Variants in PLXNB2 observed in about 807,000 individuals in gnomAD.
PLXNB2 encodes the protein plexin B2, also known as plexin-B2.
A neutral mutation model predicts 202.6 loss-of-function variants in PLXNB2; 85 were observed. The observed-to-expected ratio is 0.42, with a 90% CI of 0.35 to 0.50. PLXNB2 has a LOEUF of 0.50. Among genes scored for constraint, PLXNB2 ranks in the 20% least tolerant of loss-of-function variants. PLXNB2 has a pLI of 0.02. For missense variants in PLXNB2, 2,063 were observed against 2,586.2 expected (o/e 0.80, Z 4.39); for synonymous variants, 1,239 against 1,137.6 (o/e 1.09, Z -1.79).
chr22:50,293,816 G>A (rs1056478210), intron 2 of PLXNB2, among the ~76,000 whole-genome samples: 1 of 152,188 alleles, frequency 6.6e-6, no homozygotes, highest in Non-Finnish European at 1.5e-5. Context: ...GGGCTGTAGG[G>A]GCCCCGGTAC....
Position 50,286,155 on chromosome 22 carries a change from T to C in PLXNB2, c.1877+18A>G, listed in dbSNP as rs1332365756. 5 of 1,610,946 alleles carry C rather than the reference T, an allele frequency of 3.1e-6. No homozygotes were observed. The highest frequency in any genetic ancestry group is 4.2e-6 in the Non-Finnish European group (5 of 1,177,942). Reference sequence around the variant, plus strand: ...GGGTGGACGGGCAGGGTGGGGTCGATGGGCACAAGACACTCACGGCAGGTT... The same window carrying C: ...GGGTGGACGGGCAGGGTGGGGTCGACGGGCACAAGACACTCACGGCAGGTT... On this transcript the variant is annotated intron_variant, in intron 9 of 36. Coordinates refer to ENST00000359337, the MANE Select transcript of PLXNB2 (RefSeq NM_012401.4).
chr22:50,284,892 C>A lies in PLXNB2; in HGVS notation c.2089-227G>T. 1 of 659,364 alleles carries A rather than the reference C, an allele frequency of 1.5e-6. No individual in the cohort carries two copies. Among genetic ancestry groups the A allele is most frequent in the Non-Finnish European group, 2.9e-6 (1 of 347,720 alleles). 40.8% of individuals were successfully genotyped at this position (659,364 alleles called of 1,614,324 possible). ...ACGTCCTCTGTGGGTTTCCCACGGC[C>A]ACCTCCACCACTCATCCACACCTGA... On this transcript the variant is annotated intron_variant, in intron 11 of 36. Coordinates refer to ENST00000359337, the MANE Select transcript of PLXNB2 (RefSeq NM_012401.4). The surrounding 1 kb of genome is among the most constrained non-coding windows in gnomAD (Gnocchi z 8.0).
Position 50,289,631 on chromosome 22 carries a change from C to T in PLXNB2, c.954G>A (p.Lys318=). The T allele has an allele frequency of 6.2e-7, 1 of 1,610,082 alleles. No individual in the cohort carries two copies. The highest frequency in any genetic ancestry group is 8.5e-7 in the Non-Finnish European group (1 of 1,179,812). Residue 318 remains lysine, a synonymous_variant, in exon 3 of 37, where the codon AAG becomes AAA. Coordinates refer to ENST00000359337, the MANE Select transcript of PLXNB2 (RefSeq NM_012401.4). The surrounding 1 kb of genome is among the most constrained non-coding windows in gnomAD (Gnocchi z 8.0). ...GAGLCLFPLD[K]VHAKMEANRN... ...GGTTGGCCTCCATCTTGGCGTGCAC[C>T]TTGTCCAGCGGGAACAGGCAGAGGC... is the stretch of plus-strand genomic sequence containing the variant.
intron 1 of PLXNB2, among the ~76,000 whole-genome samples, chr22:50,299,782 C>T (rs2067554431): frequency 1.3e-5 from 2 of 152,246 alleles, no homozygotes; most frequent in African/African-American, 4.8e-5. Flanking sequence ...GAGTTCAGCC[C>T]GGGAGGCGGG....
chr22:50,282,580 G>T, intron 18 of PLXNB2, 131 bp downstream of exon 18: 2 of 690,238 alleles, frequency 2.9e-6, no homozygotes, highest in Non-Finnish European at 4.6e-6. Context: ...GAGTGCAGTG[G>T]GGTTTTCCGG....
chr22:50,300,218 TGAC>T (rs2067594695), intron 1 of PLXNB2: 2 of 961,734 alleles, frequency 2.1e-6, no homozygotes, highest in Admixed American at 6.2e-5. Flanking sequence ...CGAGTAACAA[TGAC>T]GGCGGCGGCG....
Position 50,282,879 on chromosome 22 carries a change from G to A in PLXNB2, c.2819C>T (p.Thr940Met), listed in dbSNP as rs755337831. The change falls in exon 18 of 37, where the codon ACG (threonine) becomes ATG (methionine). Residue 940 changes from threonine to methionine, a missense_variant and splice_region_variant. By Grantham distance (81) the Thr-to-Met change is moderately conservative (BLOSUM62 -1). Coordinates refer to ENST00000359337, the MANE Select transcript of PLXNB2 (RefSeq NM_012401.4). ...VTLNGVPCKV[T>M]KFGAQLQCVT... ...ACACTGGAGCTGCGCCCCAAACTTC[G>A]TCCTGGGGGAGGGAGGGTGCTGGTC... 8 of 1,607,702 alleles carry A rather than the reference G, an allele frequency of 5.0e-6. No homozygotes were observed. The highest frequency in any genetic ancestry group is 1.1e-5 in the South Asian group (1 of 90,744).
Position 50,280,625 on chromosome 22 carries a change from T to C in PLXNB2, c.4039A>G (p.Lys1347Glu). 1 of 1,612,692 alleles carries C rather than the reference T, an allele frequency of 6.2e-7. No homozygotes were observed. The highest frequency in any genetic ancestry group is 8.5e-7 in the Non-Finnish European group (1 of 1,179,886). The change falls in exon 25 of 37, where the codon AAG becomes GAG. Residue 1347 changes from lysine to glutamate, a missense_variant. Coordinates refer to ENST00000359337, the MANE Select transcript of PLXNB2 (RefSeq NM_012401.4). ...GTCAGCAGGGACGCGAAGTAGACCT[T>C]GGCGCGGGCCGAGAACTCCCGCTGG... Reference protein sequence around the residue: ...ENQREFSARAKVYFASLLTVA... With the variant: ...ENQREFSARAEVYFASLLTVA...
rs2066161416 is a variant in PLXNB2 at position 50,283,357 on chromosome 22, T to A, written c.2659A>T (p.Asn887Tyr). Residue 887 changes from asparagine (N) to tyrosine (Y), a missense_variant, in exon 16 of 37, where the codon AAT becomes TAT. By Grantham distance (143) the Asn-to-Tyr change is moderately radical (BLOSUM62 -2). Around this residue, in one of 2 missense-constraint regions of PLXNB2, gnomAD observed 1,303 missense variants for 1,476.8 expected, o/e 0.88. Coordinates refer to ENST00000359337, the MANE Select transcript of PLXNB2 (RefSeq NM_012401.4). ...CTTACTTGGAAGGTGAACTGGACAT[T>A]GGGAGGCGAACGGCCCAGTTTCCCG... Reference protein sequence around the residue: ...VFGKLGRSPPNVQFTFQQPKP... With the variant: ...VFGKLGRSPPYVQFTFQQPKP... The A allele has an allele frequency of 6.2e-7, 1 of 1,613,062 alleles. No individual in the cohort carries two copies. Among genetic ancestry groups the A allele is most frequent in the East Asian group, 2.2e-5 (1 of 44,874 alleles).
At chr22:50,299,625 T>A (rs921936460) in intron 1 of PLXNB2, among the ~76,000 whole-genome samples, 1 of 150,632 alleles carries the variant, frequency 6.6e-6, no homozygotes, top group African/African-American at 2.4e-5. Flanking sequence ...GGCTGGGGGG[T>A]CGGCAAGGAC....
chr22:50,279,066 A>G, intron 27 of PLXNB2, 55 bp from the exon 28 acceptor site: 5 of 1,506,312 alleles, frequency 3.3e-6, no homozygotes, highest in Admixed American at 4.0e-5. Context: ...TACCTGCACC[A>G]TGCAGGAGCC....
chr22:50,294,022 G>A (rs2067081147), intron 2 of PLXNB2, among the ~76,000 whole-genome samples: 1 of 152,210 alleles, frequency 6.6e-6, no homozygotes, highest in South Asian at 2.1e-4. Flanking sequence ...GGCCTCAGGT[G>A]ACCTGCCTGC....
In PLXNB2 at chr22:50,282,039, C is replaced by T. The variant is rs534785502; in HGVS notation, c.3160G>A (p.Val1054Ile). 3.0e-5 allele frequency: 49 copies of T among 1,612,810 alleles called. No homozygotes were observed. The highest frequency in any genetic ancestry group is 3.6e-5 in the Non-Finnish European group (43 of 1,179,968). ...TCAGGCACAGCCGGGGACAGGAAGA[C>T]GACCTTGGTGTCATTGTGGAACACG... ...DYVFHNDTKVVFLSPAVPEEP... is the reference protein window; with the variant it reads ...DYVFHNDTKVIFLSPAVPEEP... Residue 1054 changes from valine to isoleucine, a missense_variant, in exon 20 of 37, where the codon GTC becomes ATC. Physicochemically the swap from Val to Ile is conservative, Grantham distance 29. Transcript: ENST00000359337.
rs569574043 is a variant in PLXNB2 at position 50,290,914 on chromosome 22, G to A, written c.-13-317C>T. 4.6e-5 allele frequency among the ~76,000 whole-genome samples: 7 copies of A among 152,270 alleles called. No individual in the cohort carries two copies. The East Asian group carries it at 1.3e-3, about 29-fold the overall frequency. On this transcript the variant is annotated intron_variant, in intron 2 of 36. Transcript: ENST00000359337. Reference sequence around the variant, plus strand: ...CCTATCCCCGAGGCAAGGAGTTGACGCCCCCAGAAAGGCTCTCAAGTGCTC... The same window carrying A: ...CCTATCCCCGAGGCAAGGAGTTGACACCCCCAGAAAGGCTCTCAAGTGCTC...
Position 50,287,155 on chromosome 22 carries a change from A to G in PLXNB2, c.1718T>C (p.Ile573Thr). The change falls in exon 8 of 37, where the codon ATC becomes ACC. Residue 573 changes from isoleucine (I) to threonine (T), a missense_variant. Physicochemically the swap from Ile to Thr is moderately conservative, Grantham distance 89. Coordinates refer to ENST00000359337, the MANE Select transcript of PLXNB2 (RefSeq NM_012401.4). The part of the protein sequence containing the change: ...HPARVEGEAV[I>T]CNSPSSIPVT... Reference sequence around the variant, plus strand: ...GGGGATGCTGCTTGGGGAGTTGCAGATGACGGCCTCGCCCTCCACGCGGGC... The same window carrying G: ...GGGGATGCTGCTTGGGGAGTTGCAGGTGACGGCCTCGCCCTCCACGCGGGC... 1 of 1,544,762 alleles carries G rather than the reference A, an allele frequency of 6.5e-7. No individual in the cohort carries two copies. The highest frequency in any genetic ancestry group is 2.5e-5 in the East Asian group (1 of 40,720).
intron 30 of PLXNB2, 58 bp from the exon 31 acceptor site, chr22:50,278,329 G>T: frequency 6.3e-7 from 1 of 1,593,566 alleles, no homozygotes; most frequent in Non-Finnish European, 8.6e-7. Context: ...GGGTCCCACA[G>T]GGAGCAGTGG....
Position 50,281,186 on chromosome 22 carries a change from C to T in PLXNB2, c.3666G>A (p.Arg1222=). The change falls in exon 23 of 37, where the codon AGG becomes AGA. Residue 1222 remains arginine, a synonymous_variant. Transcript: ENST00000359337. The part of the protein sequence containing the change: ...VIAVSVYCYW[R]KSQQAEREYE... Reference sequence around the variant, plus strand: ...ACTCTCGTTCGGCCTGCTGGCTCTTCCTCCTGCAAGGCACAGCGGGCCTCC... The same window carrying T: ...ACTCTCGTTCGGCCTGCTGGCTCTTTCTCCTGCAAGGCACAGCGGGCCTCC... 1.2e-6 allele frequency: 2 copies of T among 1,611,980 alleles called. No individual in the cohort carries two copies. The highest frequency in any genetic ancestry group is 1.1e-5 in the South Asian group (1 of 90,918).
rs1294258423 is a variant in PLXNB2, at chr22:50,289,986, T to C, written c.599A>G (p.Tyr200Cys). 9.3e-6 allele frequency: 15 copies of C among 1,613,388 alleles called. No individual in the cohort carries two copies. The highest frequency in any genetic ancestry group is 1.2e-5 in the Non-Finnish European group (14 of 1,180,028). The change falls in exon 3 of 37, where the codon TAC becomes TGC. Residue 200 changes from tyrosine (Y) to cysteine (C), a missense_variant. Physicochemically the swap from Tyr to Cys is radical, Grantham distance 194. This residue lies in a region of PLXNB2 where 1,303 missense variants were observed against 1,476.8 expected (regional missense o/e 0.88). Transcript: ENST00000359337. The surrounding 1 kb of genome is among the most constrained non-coding windows in gnomAD (Gnocchi z 8.0). ...GGCCTTGTAGGTGGCGTGGTCCGTG[T>C]AGGCTTCAAAGGCCTCCCTGCTGTC... is the stretch of plus-strand genomic sequence containing the variant. ...RTDSREAFEA[Y>C]TDHATYKAGY...
chr22:50,292,294 C>T (rs563996193), intron 2 of PLXNB2, among the ~76,000 whole-genome samples: 25 of 144,592 alleles, frequency 1.7e-4, no homozygotes, highest in Non-Finnish European at 1.8e-4. Context: ...GCCAAGATTG[C>T]ACCACTGCAC....
Sources: gnomAD v4.1 joint callset for allele counts (sites outside exome capture counted in the v4.1 genomes callset) on GRCh38, gnomAD v4.1.1 for gene constraint, gnomAD v4.1.1 regional missense constraint, Gnocchi (gnomAD v3.1) non-coding constraint, MANE v1.5 for transcripts, NCBI Gene and HGNC (gene_info 2026-07-23, HGNC 2026-07-21) for gene names.